The following TNKS1BP1 variants were observed in gnomAD, a reference collection of about 807,000 sequenced individuals.
The protein encoded by TNKS1BP1 is 182 kDa tankyrase-1-binding protein.
Under a neutral mutation model 141.1 loss-of-function variants are expected in TNKS1BP1, and 48 were observed. The observed-to-expected ratio is 0.34, with a 90% CI of 0.27 to 0.43. The LOEUF (loss-of-function observed/expected upper bound fraction) is 0.43, where lower values mean the gene tolerates loss of function less well. Ranked by LOEUF, TNKS1BP1 falls within the 20% of genes least tolerant of loss-of-function variation. TNKS1BP1 has a pLI of 1.00. For missense variants in TNKS1BP1, 2,149 were observed against 2,226.0 expected, an observed-to-expected ratio of 0.97 and a Z score of 0.70; for synonymous variants, 875 against 898.2, an observed-to-expected ratio of 0.97 and a Z score of 0.46.
chr11:57,309,903 T>C lies in TNKS1BP1; in HGVS notation c.2808A>G (p.Ser936=), dbSNP rs774805514. ...CAGCCCGGCTGCCATAGGTGCCGAGTGACACATCTCTCTTCTGAAACTCCC... is the reference window on the plus strand; with the variant it reads ...CAGCCCGGCTGCCATAGGTGCCGAGCGACACATCTCTCTTCTGAAACTCCC... The part of the protein sequence containing the change: ...QDWEFQKRDV[S]LGTYGSRAAE... Residue 936 remains serine, a synonymous_variant, in exon 6 of 12, where the codon TCA becomes TCG. Coordinates refer to ENST00000358252, the MANE Select transcript of TNKS1BP1 (RefSeq NM_033396.3). This position sits in a 1 kb window ranked among gnomAD's most constrained non-coding sequence, Gnocchi z 4.3. The C allele has an allele frequency of 8.7e-6, 14 of 1,614,020 alleles. No homozygotes were observed. Among genetic ancestry groups the C allele is most frequent in the Middle Eastern group, 3.3e-4 (2 of 6,062 alleles).
At position 57,324,890 on chromosome 11, in the gene TNKS1BP1, CCCGCCGCCGCCGCCGCTGCTACCGCCG is replaced by C. The variant is rs913887560; in HGVS notation, c.-143_-117del. 1 of 991,784 alleles carries C rather than the reference CCCGCCGCCGCCGCCGCTGCTACCGCCG, an allele frequency of 1.0e-6. No individual in the cohort carries two copies. Among genetic ancestry groups the C allele is most frequent in the Non-Finnish European group, 1.2e-6 (1 of 835,454 alleles). The allele number at this position is 991,784 out of a possible 1,614,324, so 61.4% of individuals were successfully genotyped here. Reference sequence around the variant, plus strand: ...TCGGCTCGGGGCCCCGATGCCAGTCCCCGCCGCCGCCGCCGCTGCTACCGCCGCCGCCGCCGCCGTCACCGCGGGACG... The same window carrying C: ...TCGGCTCGGGGCCCCGATGCCAGTCCCCGCCGCCGCCGTCACCGCGGGACG... On this transcript the variant is annotated 5_prime_UTR_variant, in exon 1 of 12. Transcript: ENST00000358252.
At position 57,309,580 on chromosome 11, in the gene TNKS1BP1, T is replaced by A. The variant is rs1278007373; in HGVS notation, c.3131A>T (p.Asp1044Val). ...HVPDGALGQR[D>V]QSSWQNSDAS... ...ATCACTGTTTTGCCAGCTGCTCTGGTCTCTCTGCCCGAGTGCCCCATCCGG... is the reference window on the plus strand; with the variant it reads ...ATCACTGTTTTGCCAGCTGCTCTGGACTCTCTGCCCGAGTGCCCCATCCGG... The change falls in exon 6 of 12, where the codon GAC (aspartate) becomes GTC (valine). Residue 1044 changes from aspartate to valine, a missense_variant. Coordinates refer to ENST00000358252, the MANE Select transcript of TNKS1BP1 (RefSeq NM_033396.3). The surrounding 1 kb of genome is among the most constrained non-coding windows in gnomAD (Gnocchi z 4.3). 6.2e-7 allele frequency: 1 copy of A among 1,613,396 alleles called. No homozygotes were observed.
chr11:57,315,893 C>T (rs1855792128), intron 4 of TNKS1BP1, among the ~76,000 whole-genome samples: 1 of 151,894 alleles, frequency 6.6e-6, no homozygotes, highest in South Asian at 2.1e-4. Context: ...TTTTTTCCCT[C>T]TCTACTGGAT....
chr11:57,315,201 A>C (rs939034104), intron 4 of TNKS1BP1, among the ~76,000 whole-genome samples: 1 of 151,898 alleles, frequency 6.6e-6, no homozygotes, highest in African/African-American at 2.4e-5. Flanking sequence ...CAACCTCTGC[A>C]TCATCTCAAT....
intron 4 of TNKS1BP1, among the ~76,000 whole-genome samples, chr11:57,317,572 G>T (rs1055627230): frequency 6.6e-6 from 1 of 152,234 alleles, no homozygotes; most frequent in East Asian, 1.9e-4. Flanking sequence ...AATGGCAGTT[G>T]TTGTGGATAC....
chr11:57,317,985 C>T, intron 3 of TNKS1BP1, 98 bp from the exon 4 acceptor site: 2 of 1,151,304 alleles, frequency 1.7e-6, no homozygotes, highest in South Asian at 1.3e-5. Flanking sequence ...TTTAACAGCA[C>T]CCAAAGGTTA....
intron 4 of TNKS1BP1, 58 bp from the exon 5 acceptor site, chr11:57,313,947 TC>T: frequency 7.1e-7 from 1 of 1,414,806 alleles, no homozygotes. Context: ...GCGGGGAGGG[TC>T]CCCTCCGACC....
At chr11:57,311,744 G>C (rs1158159100) in intron 5 of TNKS1BP1, among the ~76,000 whole-genome samples, 4 of 152,254 alleles carry the variant, frequency 2.6e-5, no homozygotes, top group Non-Finnish European at 5.9e-5. Context: ...TTCAGAGGCA[G>C]CCTGGTAGGA....
Position 57,309,147 on chromosome 11 carries a change from G to A in TNKS1BP1, c.3564C>T (p.Ala1188=), listed in dbSNP as rs781133614. ...SGGSSEARES[A]VGQMGWSGGL... is the part of the protein sequence containing the mutation. ...CACCTGACCAGCCCATCTGTCCCACGGCACTCTCCCTGGCCTCGCTCGAGC... is the reference window on the plus strand; with the variant it reads ...CACCTGACCAGCCCATCTGTCCCACAGCACTCTCCCTGGCCTCGCTCGAGC... The change falls in exon 6 of 12, where the codon GCC becomes GCT. Residue 1188 remains alanine (A), a synonymous_variant. Transcript: ENST00000358252. This position sits in a 1 kb window ranked among gnomAD's most constrained non-coding sequence, Gnocchi z 4.3. The A allele has an allele frequency of 1.2e-5, 20 of 1,613,922 alleles. No individual in the cohort carries two copies. Among genetic ancestry groups the A allele is most frequent in the South Asian group, 5.5e-5 (5 of 91,070 alleles).
chr11:57,317,730 G>T, intron 4 of TNKS1BP1, 88 bp downstream of exon 4: 4 of 1,360,650 alleles, frequency 2.9e-6, no homozygotes, highest in South Asian at 1.2e-5. Context: ...TTCCCCATCT[G>T]AACTACAAGG....
intron 3 of TNKS1BP1, among the ~76,000 whole-genome samples, chr11:57,319,878 C>CA (rs1855855054): frequency 6.6e-6 from 1 of 151,846 alleles, no homozygotes. Flanking sequence ...ACTTTAAAAG[C>CA]ATACAGTAAT....
intron 1 of TNKS1BP1, among the ~76,000 whole-genome samples, chr11:57,324,028 G>T (rs1198250021): frequency 6.6e-6 from 1 of 152,218 alleles, no homozygotes; most frequent in African/African-American, 2.4e-5. Context: ...GCGATTCGCA[G>T]CGGTTCTGAG....
chr11:57,300,491 C>T, intron 11 of TNKS1BP1, 37 bp downstream of exon 11: 3 of 1,607,728 alleles, frequency 1.9e-6, no homozygotes, highest in African/African-American at 1.3e-5. Flanking sequence ...GGCAGGCCCT[C>T]CTCAGACTGG....
At chr11:57,305,134 G>T (rs1205132049) in intron 6 of TNKS1BP1, among the ~76,000 whole-genome samples, 1 of 152,152 alleles carries the variant, frequency 6.6e-6, no homozygotes. Context: ...AGGAAAGAGG[G>T]GTAGTTAGGA....
intron 1 of TNKS1BP1, 114 bp from the exon 2 acceptor site, chr11:57,322,064 C>T: frequency 1.7e-6 from 1 of 573,628 alleles, no homozygotes; most frequent in South Asian, 3.1e-5. Flanking sequence ...GAAGAGAGAA[C>T]TTGGAGTGGG....
chr11:57,301,182 G>C, intron 9 of TNKS1BP1, 141 bp from the exon 10 acceptor site: 2 of 906,754 alleles, frequency 2.2e-6, no homozygotes, highest in Non-Finnish European at 3.2e-6. Flanking sequence ...CAAAGGATGG[G>C]AAGTCACTTA....
At position 57,311,517 on chromosome 11, in the gene TNKS1BP1, T is replaced by G. The variant is rs1590586717; in HGVS notation, c.2155-961A>C. ...CTGCTCCCTCCGGAGCAGCTGCAGC[T>G]TGGGCAGCCCCGCCCAGGAGCCAGT... On this transcript the variant is annotated intron_variant, in intron 5 of 11. Transcript: ENST00000358252. 3.1e-6 allele frequency: 3 copies of G among 972,936 alleles called. No individual in the cohort carries two copies. In the African/African-American group the frequency reaches 5.3e-5, roughly 17 times the overall value. The allele number at this position is 972,936 out of a possible 1,614,324, so 60.3% of individuals were successfully genotyped here. A position where few individuals can be genotyped will look rare whatever the true frequency, so the allele number is the denominator to read the frequency against.
intron 6 of TNKS1BP1, among the ~76,000 whole-genome samples, chr11:57,305,697 G>A (rs985608887): frequency 1.3e-5 from 2 of 152,194 alleles, no homozygotes; most frequent in Non-Finnish European, 2.9e-5. Flanking sequence ...GCCACCAGCC[G>A]TGGGAACCGG....
rs1275475335 is a variant in TNKS1BP1 at position 57,317,834 on chromosome 11, G to C, written c.782C>G (p.Ser261Trp). The C allele has an allele frequency of 6.2e-7, 1 of 1,613,782 alleles. No homozygotes were observed. The highest frequency in any genetic ancestry group is 1.3e-5 in the African/African-American group (1 of 74,902). Residue 261 changes from serine to tryptophan, a missense_variant, in exon 4 of 12, where the codon TCG becomes TGG. By Grantham distance (177) the Ser-to-Trp change is radical (BLOSUM62 -3). Coordinates refer to ENST00000358252, the MANE Select transcript of TNKS1BP1 (RefSeq NM_033396.3). ...ATAACTCACATCAGCAGGTAGCTCC[G>C]AGCTGGCTGCCTTAGCCAGGTCCCC... ...FNGDLAKAAS[S>W]ELPADISKPW...
Sources: allele counts gnomAD v4.1 joint callset (sites outside exome capture counted in the v4.1 genomes callset), GRCh38; gene constraint gnomAD v4.1.1; non-coding constraint Gnocchi (gnomAD v3.1); transcripts MANE v1.5; gene names NCBI Gene and HGNC (gene_info 2026-07-23, HGNC 2026-07-21).